BMP7: variants seen among roughly 807,000 people sequenced by gnomAD.
BMP7 encodes the protein bone morphogenetic protein 7, also known as osteogenic protein 1.
A neutral mutation model predicts 41.2 loss-of-function variants in BMP7; 12 were observed. The ratio of observed to expected loss-of-function variants is 0.29; its 90% confidence interval spans 0.19 to 0.47. The LOEUF (loss-of-function observed/expected upper bound fraction) is 0.47. BMP7 is among the 20% of genes least tolerant of loss of function. The pLI is 0.99. For synonymous variants in BMP7, 248 were observed against 250.0 expected, an observed-to-expected ratio of 0.99 and a Z score of 0.07; for missense variants, 467 against 606.0, an observed-to-expected ratio of 0.77 and a Z score of 2.41.
intron 1 of BMP7, among the ~76,000 whole-genome samples, chr20:57,254,178 A>G (rs1467480675): frequency 6.6e-6 from 1 of 151,440 alleles, no homozygotes; most frequent in Non-Finnish European, 1.5e-5. Flanking sequence ...GTGTACCACC[A>G]CACCCCACTA....
intron 3 of BMP7, among the ~76,000 whole-genome samples, chr20:57,188,239 G>A (rs1362141248): frequency 6.6e-6 from 1 of 152,156 alleles, no homozygotes; most frequent in Non-Finnish European, 1.5e-5. Flanking sequence ...AAAATATGGT[G>A]AATCCATATA....
At chr20:57,193,474 G>A (rs749020305) in intron 3 of BMP7, among the ~76,000 whole-genome samples, 4 of 152,118 alleles carry the variant, frequency 2.6e-5, no homozygotes, top group South Asian at 4.1e-4. Context: ...ACATGGCTCC[G>A]ACCGCCGGCC....
At chr20:57,191,802 T>G (rs1377084534) in intron 3 of BMP7, among the ~76,000 whole-genome samples, 1 of 143,070 alleles carries the variant, frequency 7.0e-6, no homozygotes, top group African/African-American at 2.6e-5. Context: ...ATTTTTATAT[T>G]ATAGTATATA....
intron 3 of BMP7, among the ~76,000 whole-genome samples, chr20:57,194,962 T>C (rs973170199): frequency 3.9e-5 from 6 of 152,172 alleles, no homozygotes; most frequent in African/African-American, 1.4e-4. Flanking sequence ...TGTAGGTGAC[T>C]TACGGGGACC....
chr20:57,184,071 G>T lies in BMP7; in HGVS notation c.761-152C>A, dbSNP rs539049191. 483 of 942,660 alleles carry T rather than the reference G, an allele frequency of 5.1e-4. 8 individuals carry two copies. In the South Asian group the frequency reaches 5.3e-3, roughly 10 times the overall value. 58.4% of individuals were successfully genotyped at this position (942,660 alleles called of 1,614,324 possible). ...TTATTGAGTACTCACTCTAGGCCAG[G>T]TACTGTTTAAGGAACTTGGAACACA... On this transcript the variant is annotated intron_variant, in intron 3 of 6. Transcript: ENST00000395863.
At chr20:57,237,901 A>C (rs2066053820) in intron 1 of BMP7, among the ~76,000 whole-genome samples, 1 of 152,218 alleles carries the variant, frequency 6.6e-6, no homozygotes, top group African/African-American at 2.4e-5. Context: ...CCTATGGAAC[A>C]CCTAAGCCAG....
At chr20:57,263,168 C>T (rs1035187965) in intron 1 of BMP7, among the ~76,000 whole-genome samples, 2 of 152,220 alleles carry the variant, frequency 1.3e-5, no homozygotes, top group Non-Finnish European at 2.9e-5. Flanking sequence ...GGTCAGTGCG[C>T]TCTGTTAAAA....
chr20:57,244,070 GGAGTA>G (rs1475620732), intron 1 of BMP7: 12 of 152,212 alleles, frequency 7.9e-5, no homozygotes, highest in Admixed American at 7.9e-4. Context: ...TTAAAGCCCA[GGAGTA>G]AAGTAGACCA....
chr20:57,175,976 C>T (rs1600727141), intron 4 of BMP7, among the ~76,000 whole-genome samples: 1 of 152,236 alleles, frequency 6.6e-6, no homozygotes, highest in Admixed American at 6.5e-5. Flanking sequence ...GCCTTGGTTC[C>T]AATGTCACCT....
intron 1 of BMP7, among the ~76,000 whole-genome samples, chr20:57,239,940 C>T (rs2066062798): frequency 6.6e-6 from 1 of 152,202 alleles, no homozygotes. Context: ...CCTCCTGGGC[C>T]TCCAGGCCTG....
chr20:57,228,508 C>G lies in BMP7; in HGVS notation c.419-87G>C. The stretch of plus-strand genomic sequence containing the variant: ...CTGGCTCTGAGTCCAAGCATCTTGC[C>G]TAAGCTAGATGGAGGCATGCCCATT... On this transcript the variant is annotated intron_variant, in intron 1 of 6. Transcript: ENST00000395863. The surrounding 1 kb of genome is among the most constrained non-coding windows in gnomAD (Gnocchi z 4.5). The G allele has an allele frequency of 6.7e-7, 1 of 1,498,866 alleles. No individual in the cohort carries two copies. Among genetic ancestry groups the G allele is most frequent in the Non-Finnish European group, 9.3e-7 (1 of 1,076,448 alleles). 92.8% of individuals were successfully genotyped at this position (1,498,866 alleles called of 1,614,324 possible).
intron 4 of BMP7, among the ~76,000 whole-genome samples, chr20:57,180,487 G>A (rs1263451791): frequency 6.6e-6 from 1 of 152,138 alleles, no homozygotes; most frequent in African/African-American, 2.4e-5. Flanking sequence ...CAGCCCTCGG[G>A]ATGGGCTGCG....
At chr20:57,200,412 G>A (rs1984593427) in intron 3 of BMP7, among the ~76,000 whole-genome samples, 1 of 152,192 alleles carries the variant, frequency 6.6e-6, no homozygotes, top group Non-Finnish European at 1.5e-5. Flanking sequence ...TGGACAATGG[G>A]GGAGTAGGTG....
intron 2 of BMP7, among the ~76,000 whole-genome samples, chr20:57,221,291 A>G (rs1461581952): frequency 6.6e-6 from 1 of 152,066 alleles, no homozygotes; most frequent in East Asian, 1.9e-4. Context: ...CTCACTACAC[A>G]CTACTGGGAC....
At chr20:57,180,117 G>T (rs953919694) in intron 4 of BMP7, among the ~76,000 whole-genome samples, 1 of 152,090 alleles carries the variant, frequency 6.6e-6, no homozygotes, top group Non-Finnish European at 1.5e-5. Flanking sequence ...CGGCCTCTGA[G>T]CACCCCCTCG....
intron 3 of BMP7, 118 bp downstream of exon 3, chr20:57,202,357 C>G: frequency 7.3e-7 from 1 of 1,368,506 alleles, no homozygotes. Flanking sequence ...ACATGGAGTA[C>G]TGGTTGGGAG....
At chr20:57,236,216 A>G (rs765408874) in intron 1 of BMP7, among the ~76,000 whole-genome samples, 29 of 152,208 alleles carry the variant, frequency 1.9e-4, no homozygotes, top group Non-Finnish European at 4.1e-4. Context: ...GAACAAGACA[A>G]TTGATTAAAA....
intron 1 of BMP7, among the ~76,000 whole-genome samples, chr20:57,258,225 G>A (rs2066141309): frequency 6.6e-6 from 1 of 152,212 alleles, no homozygotes; most frequent in South Asian, 2.1e-4. Context: ...GGGAATTTAT[G>A]GAAAGTCTTG....
intron 2 of BMP7, among the ~76,000 whole-genome samples, chr20:57,226,578 C>T (rs138840033): frequency 3.3e-5 from 5 of 152,322 alleles, no homozygotes; most frequent in East Asian, 3.9e-4. Flanking sequence ...GAGGGCACCC[C>T]GTGTGAACCC....
Sources: allele counts gnomAD v4.1 joint callset (sites outside exome capture counted in the v4.1 genomes callset), GRCh38; gene constraint gnomAD v4.1.1; non-coding constraint Gnocchi (gnomAD v3.1); transcripts MANE v1.5; gene names NCBI Gene and HGNC (gene_info 2026-07-23, HGNC 2026-07-21).